The following RBFOX1 variants were observed in gnomAD, a reference collection of about 807,000 sequenced individuals.
The protein encoded by RBFOX1 is RNA binding protein fox-1 homolog 1.
Under a neutral mutation model 57.7 loss-of-function variants are expected in RBFOX1, and 8 were observed. The observed-to-expected ratio is 0.14, with a 90% CI of 0.08 to 0.25. The LOEUF is 0.25. Among genes scored for constraint, RBFOX1 ranks in the 10% least tolerant of loss-of-function variants. The pLI, the probability that RBFOX1 is intolerant of heterozygous loss-of-function variation, is 1.00. For synonymous variants in RBFOX1, 326 were observed against 222.4 expected (o/e 1.47, Z -4.15); for missense variants, 611 against 548.5 (o/e 1.11, Z -1.14).
intron 2 of RBFOX1, among the ~76,000 whole-genome samples, chr16:5,544,273 G>A (rs997905618): frequency 6.6e-6 from 1 of 152,144 alleles, no homozygotes; most frequent in Admixed American, 6.6e-5. Flanking sequence ...GGCAACAGAA[G>A]GAACTCTGGG....
chr16:7,171,912 C>T (rs1034864798), intron 4 of RBFOX1, among the ~76,000 whole-genome samples: 1 of 152,104 alleles, frequency 6.6e-6, no homozygotes, highest in Non-Finnish European at 1.5e-5. Context: ...GAGGATATAT[C>T]CTCAGGTAGA....
intron 3 of RBFOX1, among the ~76,000 whole-genome samples, chr16:6,887,368 T>A (rs1273496713): frequency 1.1e-4 from 16 of 152,154 alleles, no homozygotes; most frequent in Non-Finnish European, 2.9e-5. Context: ...CAGTTCTCCC[T>A]GGCCTTATGG....
chr16:7,289,514 T>G (rs2095717969), intron 4 of RBFOX1, among the ~76,000 whole-genome samples: 1 of 152,066 alleles, frequency 6.6e-6, no homozygotes, highest in Non-Finnish European at 1.5e-5. Flanking sequence ...GTCACCTTCA[T>G]CGTCATCATC....
intron 2 of RBFOX1, among the ~76,000 whole-genome samples, chr16:6,439,543 A>T (rs2094322137): frequency 6.6e-6 from 1 of 152,120 alleles, no homozygotes; most frequent in South Asian, 2.1e-4. Context: ...CCAGTCATCC[A>T]ACCTGCAGTT....
intron 2 of RBFOX1, among the ~76,000 whole-genome samples, chr16:6,626,745 G>C (rs1424457395): frequency 6.6e-6 from 1 of 151,960 alleles, no homozygotes; most frequent in East Asian, 1.9e-4. Flanking sequence ...GGATGACAGA[G>C]TGAGACTCCA....
intron 4 of RBFOX1, among the ~76,000 whole-genome samples, chr16:7,364,215 G>A (rs561664968): frequency 7.0e-4 from 106 of 152,292 alleles, no homozygotes; most frequent in African/African-American, 2.5e-3. Context: ...ACCTTGGGAT[G>A]TGCCGGGCTA....
chr16:6,706,247 T>A (rs2062724751), intron 3 of RBFOX1, among the ~76,000 whole-genome samples: 2 of 152,280 alleles, frequency 1.3e-5, no homozygotes, highest in South Asian at 4.1e-4. Context: ...TGGTCGCCCA[T>A]GTCCCAGTTT....
chr16:7,410,465 T>C (rs1669003178), intron 4 of RBFOX1, among the ~76,000 whole-genome samples: 1 of 152,130 alleles, frequency 6.6e-6, no homozygotes, highest in South Asian at 2.1e-4. Flanking sequence ...GTGGATTACA[T>C]GAGGTTGGGA....
chr16:7,566,989 C>A (rs939261813), intron 5 of RBFOX1, among the ~76,000 whole-genome samples: 4 of 151,684 alleles, frequency 2.6e-5, no homozygotes, highest in Non-Finnish European at 5.9e-5. Flanking sequence ...GGAAATACCA[C>A]CCAAAAATAA....
intron 4 of RBFOX1, among the ~76,000 whole-genome samples, chr16:7,444,175 A>G (rs978430736): frequency 3.9e-5 from 6 of 152,234 alleles, no homozygotes; most frequent in Non-Finnish European, 5.9e-5. Flanking sequence ...GATTATAGTT[A>G]TGCAGGTCTT....
intron 3 of RBFOX1, among the ~76,000 whole-genome samples, chr16:6,714,147 G>T (rs945536430): frequency 6.6e-6 from 1 of 151,998 alleles, no homozygotes; most frequent in South Asian, 2.1e-4. Context: ...GCACTCTCAC[G>T]CTCTCTCTCT....
chr16:7,489,482 A>G (rs1343855862), intron 4 of RBFOX1, among the ~76,000 whole-genome samples: 1 of 150,996 alleles, frequency 6.6e-6, no homozygotes, highest in Non-Finnish European at 1.5e-5. Flanking sequence ...GGAGATTAAA[A>G]AACTGAGGCT....
chr16:6,088,277 A>G lies in RBFOX1; in HGVS notation c.-127+68285A>G, dbSNP rs2096118937. Among the ~76,000 whole-genome samples the G allele has an allele frequency of 2.0e-5, 3 of 152,230 alleles. 1 individual carries two copies. The South Asian group carries it at 6.2e-4, about 32-fold the overall frequency. On this transcript the variant is annotated intron_variant, in intron 1 of 15. Coordinates refer to ENST00000550418, the MANE Select transcript of RBFOX1 (RefSeq NM_018723.4). ...AGGAATGTTTCTGAAACTATGAACA[A>G]TATGGAACATGTTGTCAATAAGGGT...
chr16:7,648,285 T>C (rs2064169663), intron 11 of RBFOX1, among the ~76,000 whole-genome samples: 1 of 152,190 alleles, frequency 6.6e-6, no homozygotes. Context: ...ATTGGCGCGA[T>C]TTCTGCTCAC....
intron 2 of RBFOX1, among the ~76,000 whole-genome samples, chr16:5,578,844 CT>C (rs57387602): frequency 1.4e-3 from 158 of 109,064 alleles, no homozygotes; most frequent in African/African-American, 4.5e-3. Flanking sequence ...CACACACACC[CT>C]TTTTTTTTTT....
intron 4 of RBFOX1, chr16:5,867,406 C>G (rs1342811471): frequency 2.1e-6 from 2 of 949,712 alleles, no homozygotes; most frequent in Admixed American, 8.6e-5. Context: ...TGGAGTGTAA[C>G]GAGCATTCTA....
chr16:6,625,422 T>A (rs368227175), intron 2 of RBFOX1, among the ~76,000 whole-genome samples: 2 of 152,220 alleles, frequency 1.3e-5, no homozygotes, highest in African/African-American at 4.8e-5. Context: ...AGGTGTCAAG[T>A]AAAAATCGTC....
chr16:6,017,451 T>A (rs2095001971), upstream of RBFOX1, among the ~76,000 whole-genome samples: 1 of 152,216 alleles, frequency 6.6e-6, no homozygotes, highest in South Asian at 2.1e-4. Context: ...GGGGAAATGA[T>A]TATGATGTTA....
intron 1 of RBFOX1, among the ~76,000 whole-genome samples, chr16:5,304,612 A>T (rs922476298): frequency 6.6e-6 from 1 of 152,086 alleles, no homozygotes; most frequent in Non-Finnish European, 1.5e-5. Flanking sequence ...ATTGCCAGAT[A>T]CTCTTCTATC....
Sources: gnomAD v4.1 joint callset for allele counts (sites outside exome capture counted in the v4.1 genomes callset) on GRCh38, gnomAD v4.1.1 for gene constraint, MANE v1.5 for transcripts, NCBI Gene and HGNC (gene_info 2026-07-23, HGNC 2026-07-21) for gene names.